TMEM164: variants seen among roughly 807,000 people sequenced by gnomAD.
TMEM164 encodes the protein RP13-360B22.2.
A neutral mutation model predicts 18.8 loss-of-function variants in TMEM164; 4 were observed. The observed-to-expected ratio is 0.21, with a 90% CI of 0.10 to 0.49. The LOEUF (loss-of-function observed/expected upper bound fraction) is 0.49, where lower values mean the gene tolerates loss of function less well. TMEM164 is among the 20% of genes least tolerant of loss of function. The probability of loss-of-function intolerance (pLI) is 0.98; values close to 1 mark genes in which losing one functional copy is unlikely to be tolerated. For synonymous variants in TMEM164, 86 were observed against 101.7 expected (o/e 0.85, Z 0.93); for missense variants, 108 against 239.9 (o/e 0.45, Z 3.63).
At chrX:110,023,201 G>C (rs1002504700) in intron 2 of TMEM164, among the ~76,000 whole-genome samples, 3 of 112,001 alleles carry the variant, frequency 2.7e-5, no homozygotes, top group Non-Finnish European at 5.6e-5. Context: ...GAGTTCTAAA[G>C]ATGGCTAATT....
chrX:110,098,517 G>A (rs779036431), intron 3 of TMEM164, among the ~76,000 whole-genome samples: 5 of 110,822 alleles, frequency 4.5e-5, no homozygotes, highest in African/African-American at 1.6e-4. Flanking sequence ...ACCTTTATAA[G>A]ATACCATCAA....
chrX:110,076,345 G>C (rs2065671653), intron 3 of TMEM164, among the ~76,000 whole-genome samples: 1 of 110,398 alleles, frequency 9.1e-6, no homozygotes, highest in Admixed American at 9.7e-5. Context: ...CTCTGATTGT[G>C]GTTATTTGGG....
At chrX:110,181,200 T>C (rs2067322529), downstream of TMEM164, among the ~76,000 whole-genome samples, 2 of 112,118 alleles carry the variant, frequency 1.8e-5, no homozygotes, top group Admixed American at 1.9e-4. Flanking sequence ...CGGTTCTGAG[T>C]CATCTCTTTG....
chrX:110,176,540 G>T lies in TMEM164; in HGVS notation c.*3089G>T, dbSNP rs1013108387. On this transcript the variant is annotated 3_prime_UTR_variant, in exon 7 of 7. Coordinates refer to ENST00000372068, the MANE Select transcript of TMEM164 (RefSeq NM_032227.4). ...ACCAGGGTGATCGGCGAACTTTACC[G>T]TACAGTACCTCAGTCTAGCTGTCAG... 1.7e-5 allele frequency: 6 copies of T among 354,067 alleles called. No individual in the cohort carries two copies. In the African/African-American group the frequency reaches 1.7e-4, roughly 10 times the overall value. The allele number at this position is 354,067 out of a possible 1,213,427, so 29.2% of individuals were successfully genotyped here. A position where few individuals can be genotyped will look rare whatever the true frequency, so the allele number is the denominator to read the frequency against.
chrX:110,122,506 C>T (rs1460148044), intron 4 of TMEM164, among the ~76,000 whole-genome samples: 1 of 106,601 alleles, frequency 9.4e-6, no homozygotes, highest in Non-Finnish European at 1.9e-5. Context: ...AGCACACCAG[C>T]ATGGCACATG....
chrX:110,170,170 G>A (rs1418422646), intron 5 of TMEM164, among the ~76,000 whole-genome samples: 1 of 112,526 alleles, frequency 8.9e-6, no homozygotes, highest in African/African-American at 3.2e-5. Flanking sequence ...TTGTGCTTTG[G>A]AATTCCTAGG....
chrX:110,038,013 C>T (rs1344528066), intron 2 of TMEM164, among the ~76,000 whole-genome samples: 1 of 74,593 alleles, frequency 1.3e-5, no homozygotes, highest in Non-Finnish European at 2.3e-5. Context: ...TTTTTTGAGA[C>T]GGAGTCTCGC....
intron 3 of TMEM164, among the ~76,000 whole-genome samples, chrX:110,074,034 T>G (rs1266152739): frequency 9.0e-6 from 1 of 110,535 alleles, no homozygotes; most frequent in East Asian, 2.8e-4. Flanking sequence ...CATGTCCCCA[T>G]GCCTGGCTCA....
At chrX:110,028,733 G>A (rs904059937) in intron 2 of TMEM164, among the ~76,000 whole-genome samples, 4 of 111,289 alleles carry the variant, frequency 3.6e-5, no homozygotes, top group Non-Finnish European at 7.5e-5. Context: ...GAATTTTGTT[G>A]AGATTTGTTT....
At chrX:110,164,527 G>C (rs1174127157) in intron 5 of TMEM164, among the ~76,000 whole-genome samples, 1 of 111,399 alleles carries the variant, frequency 9.0e-6, no homozygotes, top group Admixed American at 9.5e-5. Context: ...TCTCAGGCAC[G>C]ACCATGATAA....
rs148121229 is a variant in TMEM164, at chrX:110,021,782, A to G, written c.390+17618A>G. On this transcript the variant is annotated intron_variant, in intron 2 of 6. Transcript: ENST00000372068. ...CGCCTTCTCTAACGGTAGGTTAAGAAAGCTCCTTTTTGTTTATGTTTTGGT... is the reference window on the plus strand; with the variant it reads ...CGCCTTCTCTAACGGTAGGTTAAGAGAGCTCCTTTTTGTTTATGTTTTGGT... Among the ~76,000 whole-genome samples, 575 of 112,292 alleles carry G rather than the reference A, an allele frequency of 5.1e-3. 2 individuals carry two copies. Among genetic ancestry groups the G allele is most frequent in the African/African-American group, 0.017 (516 of 30,894 alleles).
At chrX:110,068,828 T>C (rs2065539629) in intron 3 of TMEM164, among the ~76,000 whole-genome samples, 1 of 111,695 alleles carries the variant, frequency 9.0e-6, no homozygotes, top group Non-Finnish European at 1.9e-5. Flanking sequence ...TGCATAGATA[T>C]ACACATGCAT....
intron 3 of TMEM164, among the ~76,000 whole-genome samples, chrX:110,108,068 CTGTG>C (rs56714507): frequency 0.024 from 1,112 of 46,326 alleles, 10 homozygotes; most frequent in South Asian, 0.043. Flanking sequence ...AGGAGGTATG[CTGTG>C]TGTGTGTGTG....
At chrX:110,121,514 G>A (rs2066449557) in intron 4 of TMEM164, among the ~76,000 whole-genome samples, 1 of 112,277 alleles carries the variant, frequency 8.9e-6, no homozygotes, top group Non-Finnish European at 1.9e-5. Context: ...CATCCATGTT[G>A]TTGCATGTAT....
chrX:110,055,152 T>C (rs2147818162), intron 2 of TMEM164, among the ~76,000 whole-genome samples: 1 of 111,736 alleles, frequency 8.9e-6, no homozygotes, highest in African/African-American at 3.3e-5. Context: ...TGTTCCTGTT[T>C]TCAATTCCAT....
chrX:110,013,451 T>C (rs1287871429), intron 2 of TMEM164, among the ~76,000 whole-genome samples: 5 of 112,072 alleles, frequency 4.5e-5, no homozygotes, highest in African/African-American at 1.6e-4. Context: ...AAGAGAGACT[T>C]CTATAAAGAG....
In TMEM164 at chrX:110,174,681, G is replaced by A. The variant is rs181639707; in HGVS notation, c.*1230G>A. On this transcript the variant is annotated 3_prime_UTR_variant, in exon 7 of 7. Coordinates refer to ENST00000372068, the MANE Select transcript of TMEM164 (RefSeq NM_032227.4). ...GCTGCCAAAGAATTAAGTCCTCATG[G>A]GTGGAGGTTCAGGTGCTCCACAAGG... The A allele has an allele frequency of 9.0e-6, 1 of 110,854 alleles. No homozygotes were observed. The highest frequency in any genetic ancestry group is 1.9e-5 in the Non-Finnish European group (1 of 52,887). 9.1% of individuals were successfully genotyped at this position (110,854 alleles called of 1,213,427 possible).
At chrX:110,080,038 C>T (rs1383944606) in intron 3 of TMEM164, among the ~76,000 whole-genome samples, 4 of 111,591 alleles carry the variant, frequency 3.6e-5, no homozygotes, top group African/African-American at 9.8e-5. Context: ...GGCATTGTCT[C>T]TGTAAACTTT....
chrX:110,043,562 G>A (rs920813923), intron 2 of TMEM164, among the ~76,000 whole-genome samples: 2 of 111,857 alleles, frequency 1.8e-5, no homozygotes, highest in East Asian at 5.6e-4. Context: ...GTGTTACTTT[G>A]TACCCTCCAG....
Sources: allele counts gnomAD v4.1 joint callset (sites outside exome capture counted in the v4.1 genomes callset), GRCh38; gene constraint gnomAD v4.1.1; transcripts MANE v1.5; gene names NCBI Gene and HGNC (gene_info 2026-07-23, HGNC 2026-07-21).